HTR1D: variants seen among roughly 807,000 people sequenced by gnomAD.
HTR1D encodes 5-hydroxytryptamine receptor 1D, also known as 5-HT-1D.
HTR1D carries 18 observed loss-of-function variants against 21.1 expected under a neutral mutation model. That is an observed-to-expected ratio of 0.85 (90% CI 0.59 to 1.27). The LOEUF (loss-of-function observed/expected upper bound fraction) is 1.27. Ranked by LOEUF, HTR1D falls within the 50% of genes most tolerant of loss-of-function variation. The probability of loss-of-function intolerance (pLI) is 0.00; values close to 1 mark genes in which losing one functional copy is unlikely to be tolerated. For missense variants in HTR1D, 456 were observed against 481.4 expected, an observed-to-expected ratio of 0.95 and a Z score of 0.49; for synonymous variants, 196 against 204.4, an observed-to-expected ratio of 0.96 and a Z score of 0.35.
intron 1 of HTR1D, among the ~76,000 whole-genome samples, chr1:23,197,156 G>T (rs75949916): frequency 2.6e-3 from 400 of 152,230 alleles, no homozygotes; most frequent in Non-Finnish European, 5.0e-3. Flanking sequence ...GGTTCAGAAA[G>T]GCTCAAGGGG....
chr1:23,195,951 C>T (rs1485395727), intron 1 of HTR1D, among the ~76,000 whole-genome samples: 1 of 152,114 alleles, frequency 6.6e-6, no homozygotes, highest in African/African-American at 2.4e-5. Flanking sequence ...CCTTAGCCTC[C>T]CAAGTAGCTG....
chr1:23,199,415 C>CTTTT lies in HTR1D; in HGVS notation c.-782-4418_-782-4415dup. Among the ~76,000 whole-genome samples the CTTTT allele has an allele frequency of 4.3e-5, 2 of 46,298 alleles. 1 individual carries two copies. Among genetic ancestry groups the CTTTT allele is most frequent in the Non-Finnish European group, 7.5e-5 (2 of 26,552 alleles). The allele number at this position is 46,298 out of a possible 152,430, so 30.4% of individuals were successfully genotyped here. On this transcript the variant is annotated intron_variant, in intron 1 of 1. Transcript: ENST00000374619. Reference sequence around the variant, plus strand: ...ACAGGTGTGAGCCGCCATGTGTGGTCTTTTTTTTTTTTTTTTTTTTTTTTT... The same window carrying CTTTT: ...ACAGGTGTGAGCCGCCATGTGTGGTCTTTTTTTTTTTTTTTTTTTTTTTTTTTTT...
intron 1 of HTR1D, among the ~76,000 whole-genome samples, chr1:23,199,694 T>TTTTC (rs774901423): frequency 2.6e-5 from 4 of 151,920 alleles, no homozygotes; most frequent in Non-Finnish European, 4.4e-5. Flanking sequence ...TATTTGTGAT[T>TTTTC]TTTCTTTCTT....
intron 1 of HTR1D, among the ~76,000 whole-genome samples, chr1:23,197,756 G>T (rs543978704): frequency 1.1e-4 from 17 of 152,006 alleles, no homozygotes; most frequent in African/African-American, 4.1e-4. Flanking sequence ...GACAATGAAG[G>T]CTGGGTGTGG....
At chr1:23,208,212 T>C (rs899859577) in intron 1 of HTR1D, among the ~76,000 whole-genome samples, 1 of 152,174 alleles carries the variant, frequency 6.6e-6, no homozygotes. Context: ...GCAGATTGCT[T>C]GAGCCCAGGA....
chr1:23,216,994 C>T (rs987820160), intron 1 of HTR1D, among the ~76,000 whole-genome samples: 3 of 152,046 alleles, frequency 2.0e-5, no homozygotes, highest in Admixed American at 6.5e-5. Context: ...GCTTCCTGCC[C>T]CTCCAGTTCT....
chr1:23,193,708 A>T lies in HTR1D; in HGVS notation c.512T>A (p.Ile171Asn), dbSNP rs1340520953. 6.2e-7 allele frequency: 1 copy of T among 1,613,614 alleles called. No individual in the cohort carries two copies. The highest frequency in any genetic ancestry group is 2.2e-5 in the East Asian group (1 of 44,824). Residue 171 changes from isoleucine to asparagine, a missense_variant, in exon 2 of 2, where the codon ATC (isoleucine) becomes AAC (asparagine). Transcript: ENST00000374619. ...GGCCTGCCGCCAGAAGAGCGGGGGGATGGAGATGCAGATGGAGATGGCCCA... is the reference window on the plus strand; with the variant it reads ...GGCCTGCCGCCAGAAGAGCGGGGGGTTGGAGATGCAGATGGAGATGGCCCA... ...IVWAISICIS[I>N]PPLFWRQAKA...
chr1:23,216,271 A>G (rs764059741), intron 1 of HTR1D, among the ~76,000 whole-genome samples: 1 of 152,226 alleles, frequency 6.6e-6, no homozygotes, highest in Non-Finnish European at 1.5e-5. Flanking sequence ...ACTCAGAGAA[A>G]TGATGGCCAC....
At position 23,193,258 on chromosome 1, in the gene HTR1D, G is replaced by A. The variant is rs1285406481; in HGVS notation, c.962C>T (p.Ser321Phe). 1 of 1,614,074 alleles carries A rather than the reference G, an allele frequency of 6.2e-7. No individual in the cohort carries two copies. Among genetic ancestry groups the A allele is most frequent in the Non-Finnish European group, 8.5e-7 (1 of 1,180,038 alleles). ...GTCCCGGCAGATGGGGAGGACCAGAGACACCACGAAGAAGGGCAGCCAGCA... is the reference window on the plus strand; with the variant it reads ...GTCCCGGCAGATGGGGAGGACCAGAAACACCACGAAGAAGGGCAGCCAGCA... ...IICWLPFFVVSLVLPICRDSC... is the reference protein window; with the variant it reads ...IICWLPFFVVFLVLPICRDSC... Residue 321 changes from serine to phenylalanine, a missense_variant, in exon 2 of 2, where the codon TCT (serine) becomes TTT (phenylalanine). Ser to Phe is a radical substitution (Grantham distance 155, BLOSUM62 -2). Transcript: ENST00000374619.
At chr1:23,195,866 T>C (rs530818914) in intron 1 of HTR1D, among the ~76,000 whole-genome samples, 4 of 152,062 alleles carry the variant, frequency 2.6e-5, no homozygotes, top group Non-Finnish European at 5.9e-5. Flanking sequence ...TCTAGCTCTG[T>C]CCCCCAGGCT....
intron 1 of HTR1D, among the ~76,000 whole-genome samples, chr1:23,202,281 G>C (rs573771465): frequency 6.6e-5 from 10 of 151,946 alleles, no homozygotes; most frequent in Non-Finnish European, 1.2e-4. Context: ...ATTTTTAGTA[G>C]GGGGTTTCAC....
chr1:23,211,893 A>G (rs641452), intron 1 of HTR1D, among the ~76,000 whole-genome samples: 74,643 of 151,662 alleles, frequency 0.49, 19,088 homozygotes, highest in African/African-American at 0.64. Flanking sequence ...TGAACTCCTA[A>G]GTTCAAGTGA....
At chr1:23,212,918 C>A (rs1357740248) in intron 1 of HTR1D, among the ~76,000 whole-genome samples, 1 of 151,956 alleles carries the variant, frequency 6.6e-6, no homozygotes, top group Non-Finnish European at 1.5e-5. Context: ...CCTCTGCCTC[C>A]CGGGTTCAAG....
chr1:23,215,724 T>C (rs1264840795), intron 1 of HTR1D, among the ~76,000 whole-genome samples: 1 of 152,242 alleles, frequency 6.6e-6, no homozygotes, highest in Non-Finnish European at 1.5e-5. Flanking sequence ...TCTGTTTTTC[T>C]GGCCCTGTAC....
chr1:23,204,501 A>G (rs1644722303), intron 1 of HTR1D, among the ~76,000 whole-genome samples: 2 of 152,244 alleles, frequency 1.3e-5, no homozygotes, highest in Admixed American at 6.5e-5. Context: ...AGTGACAGGT[A>G]GGTGACTTGC....
intron 1 of HTR1D, among the ~76,000 whole-genome samples, chr1:23,196,449 A>AG (rs1222363519): frequency 6.6e-6 from 1 of 151,680 alleles, no homozygotes; most frequent in Non-Finnish European, 1.5e-5. Flanking sequence ...TGCCAAAAAA[A>AG]AAAAAAAAGA....
chr1:23,214,631 G>T (rs912503508), intron 1 of HTR1D, among the ~76,000 whole-genome samples: 1 of 152,088 alleles, frequency 6.6e-6, no homozygotes, highest in Non-Finnish European at 1.5e-5. Flanking sequence ...ACATAAAGCA[G>T]CTCCCCTCCT....
intron 1 of HTR1D, among the ~76,000 whole-genome samples, chr1:23,201,213 A>C (rs1644708136): frequency 1.3e-5 from 2 of 152,182 alleles, no homozygotes; most frequent in African/African-American, 2.4e-5. Context: ...CTGCAGGCCA[A>C]GGGTCCTGAG....
chr1:23,203,265 C>T (rs1288657178), intron 1 of HTR1D, among the ~76,000 whole-genome samples: 1 of 152,156 alleles, frequency 6.6e-6, no homozygotes, highest in Non-Finnish European at 1.5e-5. Context: ...CCATCTCATG[C>T]TCTCTCTTTC....
Sources: allele counts gnomAD v4.1 joint callset (sites outside exome capture counted in the v4.1 genomes callset), GRCh38; gene constraint gnomAD v4.1.1; transcripts MANE v1.5; gene names NCBI Gene and HGNC (gene_info 2026-07-23, HGNC 2026-07-21).